EXOC2: variants seen among roughly 807,000 people sequenced by gnomAD.
EXOC2 encodes the protein SEC5-like 1.
EXOC2 carries 70 observed loss-of-function variants against 131.8 expected under a neutral mutation model. That is an observed-to-expected ratio of 0.53 (90% CI 0.44 to 0.65). The LOEUF is 0.65. EXOC2 is among the 30% of genes least tolerant of loss of function. EXOC2 has a pLI of 0.00. For synonymous variants in EXOC2, 411 were observed against 398.4 expected, an observed-to-expected ratio of 1.03 and a Z score of -0.38; for missense variants, 923 against 1,108.6, an observed-to-expected ratio of 0.83 and a Z score of 2.38.
chr6:518,436 T>C (rs925302209), intron 23 of EXOC2, among the ~76,000 whole-genome samples: 2 of 152,236 alleles, frequency 1.3e-5, no homozygotes, highest in African/African-American at 4.8e-5. Flanking sequence ...AGTATGTTAG[T>C]TTACCCTGAT....
chr6:616,634 C>CCTG (rs1002186482), intron 6 of EXOC2, among the ~76,000 whole-genome samples: 1 of 149,528 alleles, frequency 6.7e-6, no homozygotes, highest in Non-Finnish European at 1.5e-5. Context: ...CTAACTTCTA[C>CCTG]CTGCAAGGAA....
At chr6:569,003 GTTAC>G (rs1397669977) in intron 13 of EXOC2, among the ~76,000 whole-genome samples, 1 of 152,094 alleles carries the variant, frequency 6.6e-6, no homozygotes, top group Non-Finnish European at 1.5e-5. Context: ...GCTTTCAGTT[GTTAC>G]TTACTGTTTT....
At chr6:490,509 G>A (rs1763369908) in intron 26 of EXOC2, among the ~76,000 whole-genome samples, 1 of 152,220 alleles carries the variant, frequency 6.6e-6, no homozygotes, top group Admixed American at 6.5e-5. Flanking sequence ...CTGACAGAAT[G>A]ACAGCAAGCC....
chr6:629,354 T>C (rs1431165528), intron 4 of EXOC2, among the ~76,000 whole-genome samples: 1 of 152,244 alleles, frequency 6.6e-6, no homozygotes, highest in Non-Finnish European at 1.5e-5. Context: ...ATAAGGCATC[T>C]TGAAAGATAT....
intron 6 of EXOC2, among the ~76,000 whole-genome samples, chr6:616,602 CAAAAAAAAAA>C (rs70985805): frequency 3.2e-4 from 22 of 69,524 alleles, no homozygotes; most frequent in Non-Finnish European, 5.3e-4. Context: ...AACTCCGTCT[CAAAAAAAAAA>C]AAAAAAAAAA....
intron 10 of EXOC2, among the ~76,000 whole-genome samples, chr6:596,254 C>T (rs936846228): frequency 3.3e-5 from 5 of 151,882 alleles, no homozygotes; most frequent in South Asian, 2.1e-4. Flanking sequence ...CTGCCAATGA[C>T]GACGGCTCAT....
At chr6:496,347 T>C (rs535139659) in intron 25 of EXOC2, among the ~76,000 whole-genome samples, 1 of 152,354 alleles carries the variant, frequency 6.6e-6, no homozygotes, top group Non-Finnish European at 1.5e-5. Context: ...CTAAGGACTG[T>C]TGATTTTTTA....
intron 23 of EXOC2, among the ~76,000 whole-genome samples, chr6:504,486 G>A (rs1764415761): frequency 6.6e-6 from 1 of 152,216 alleles, no homozygotes; most frequent in South Asian, 2.1e-4. Context: ...GGGCCATGCT[G>A]CAATTATTTT....
intron 12 of EXOC2, among the ~76,000 whole-genome samples, chr6:574,163 T>C (rs1019448055): frequency 6.6e-6 from 1 of 152,202 alleles, no homozygotes; most frequent in Admixed American, 6.5e-5. Flanking sequence ...CTTTTGCAAT[T>C]AAAATGAATG....
At chr6:619,894 G>A (rs1175394772) in intron 4 of EXOC2, among the ~76,000 whole-genome samples, 1 of 152,146 alleles carries the variant, frequency 6.6e-6, no homozygotes, top group African/African-American at 2.4e-5. Context: ...CCCATTCAAT[G>A]TATAAAAATC....
rs988081388 is a variant in EXOC2 at position 486,132 on chromosome 6, G to C, written c.*539C>G. On this transcript the variant is annotated 3_prime_UTR_variant, in exon 28 of 28. Coordinates refer to ENST00000230449, the MANE Select transcript of EXOC2 (RefSeq NM_018303.6). ...CAGTTGTAATATGTATTTTAATGGA[G>C]ACCATAAATTTTTCCAAAAACCCGC... The C allele has an allele frequency of 6.6e-6, 1 of 152,236 alleles. No homozygotes were observed. The highest frequency in any genetic ancestry group is 2.4e-5 in the African/African-American group (1 of 41,424). The allele number at this position is 152,236 out of a possible 1,614,324, so 9.4% of individuals were successfully genotyped here. A position where few individuals can be genotyped will look rare whatever the true frequency, so the allele number is the denominator to read the frequency against.
chr6:502,701 T>C (rs1764294099), intron 23 of EXOC2, among the ~76,000 whole-genome samples: 1 of 152,130 alleles, frequency 6.6e-6, no homozygotes, highest in African/African-American at 2.4e-5. Flanking sequence ...AGCTTCCTAT[T>C]TTGGGTCGAG....
At chr6:654,365 T>G (rs1477967761) in intron 1 of EXOC2, among the ~76,000 whole-genome samples, 1 of 152,148 alleles carries the variant, frequency 6.6e-6, no homozygotes, top group Non-Finnish European at 1.5e-5. Context: ...ACACTGATGA[T>G]TCATGGGAAG....
intron 17 of EXOC2, among the ~76,000 whole-genome samples, chr6:558,044 A>T (rs900123937): frequency 1.3e-5 from 2 of 152,204 alleles, no homozygotes; most frequent in African/African-American, 4.8e-5. Flanking sequence ...TGGAAGGCTC[A>T]AGGCTCAACC....
chr6:561,809 C>T (rs910880015), intron 17 of EXOC2, among the ~76,000 whole-genome samples: 1 of 152,136 alleles, frequency 6.6e-6, no homozygotes, highest in Non-Finnish European at 1.5e-5. Flanking sequence ...TGGTCTCGCT[C>T]TTGACCTCAT....
intron 1 of EXOC2, among the ~76,000 whole-genome samples, chr6:680,760 T>C (rs1054191434): frequency 3.3e-5 from 5 of 152,196 alleles, no homozygotes; most frequent in Non-Finnish European, 5.9e-5. Flanking sequence ...CAAATGATAG[T>C]ATCCTTTACA....
At chr6:503,614 T>C (rs1193509336) in intron 23 of EXOC2, among the ~76,000 whole-genome samples, 1 of 152,216 alleles carries the variant, frequency 6.6e-6, no homozygotes, top group Non-Finnish European at 1.5e-5. Context: ...TATACTTCAA[T>C]TTAAAATAAT....
chr6:612,493 T>A (rs576671015), intron 6 of EXOC2, among the ~76,000 whole-genome samples: 227 of 152,378 alleles, frequency 1.5e-3, no homozygotes, highest in African/African-American at 5.3e-3. Context: ...ATATAAATTA[T>A]ATTTAAACTG....
At chr6:647,833 A>G (rs1006814621) in intron 1 of EXOC2, among the ~76,000 whole-genome samples, 2 of 151,792 alleles carry the variant, frequency 1.3e-5, no homozygotes, top group Non-Finnish European at 2.9e-5. Context: ...AATCTGTCCA[A>G]CTAAAAGTAA....
Sources: allele counts gnomAD v4.1 joint callset (sites outside exome capture counted in the v4.1 genomes callset), GRCh38; gene constraint gnomAD v4.1.1; transcripts MANE v1.5; gene names NCBI Gene and HGNC (gene_info 2026-07-23, HGNC 2026-07-21).